Variants in GALNT13 observed in about 807,000 individuals in gnomAD.
GALNT13 encodes UDP-GalNAc:polypeptide N-acetylgalactosaminyltransferase 13.
GALNT13 carries 28 observed loss-of-function variants against 64.2 expected under a neutral mutation model. That is an observed-to-expected ratio of 0.44 (90% CI 0.32 to 0.60). The LOEUF is 0.60. Ranked by LOEUF, GALNT13 falls within the 20% of genes least tolerant of loss-of-function variation. The pLI, the probability that GALNT13 is intolerant of heterozygous loss-of-function variation, is 0.05. For missense variants in GALNT13, 577 were observed against 669.8 expected, an observed-to-expected ratio of 0.86 and a Z score of 1.53; for synonymous variants, 214 against 224.6, an observed-to-expected ratio of 0.95 and a Z score of 0.42.
the GALNT13 span, among the ~76,000 whole-genome samples, chr2:153,791,284 C>T: frequency 6.6e-6 from 1 of 152,042 alleles, no homozygotes; most frequent in East Asian, 1.9e-4. Context: ...GCTCAACATC[C>T]CTGATCATTA....
the GALNT13 span, among the ~76,000 whole-genome samples, chr2:153,722,987 C>G: frequency 6.6e-6 from 1 of 152,030 alleles, no homozygotes; most frequent in Non-Finnish European, 1.5e-5. Flanking sequence ...CAAAGCCGGG[C>G]AGAGACACAA....
intron 9 of GALNT13, among the ~76,000 whole-genome samples, chr2:154,317,315 C>A (rs1283152096): frequency 2.6e-5 from 4 of 151,498 alleles, no homozygotes; most frequent in Non-Finnish European, 5.9e-5. Context: ...AAAATAGATA[C>A]AATTTTAAAT....
chr2:153,872,553 C>G lies in GALNT13; in HGVS notation c.-177+250C>G, dbSNP rs1686025533. Among the ~76,000 whole-genome samples the G allele has an allele frequency of 2.7e-5, 4 of 147,998 alleles. No homozygotes were observed. The Admixed American group carries it at 2.7e-4, about 10-fold the overall frequency. ...GGTGTTGCGGGAGGACCGCGTGGCG[C>G]GGAACTTTCTGCCGCCGCCCACCTT... On this transcript the variant is annotated intron_variant, in intron 1 of 12. Transcript: ENST00000392825.
In GALNT13 at chr2:154,386,998, A is replaced by G. The variant is rs114909485; in HGVS notation, c.1157-8993A>G. ...TCTGTGCAGAAGCTATGATTTTGTAAAATTCATTATCTCATTTTTACTCCA... is the reference window on the plus strand; with the variant it reads ...TCTGTGCAGAAGCTATGATTTTGTAGAATTCATTATCTCATTTTTACTCCA... On this transcript the variant is annotated intron_variant, in intron 9 of 12. Coordinates refer to ENST00000392825, the MANE Select transcript of GALNT13 (RefSeq NM_052917.4). Among the ~76,000 whole-genome samples, 875 of 152,234 alleles carry G rather than the reference A, an allele frequency of 5.7e-3. 4 individuals are homozygous for G. The highest frequency in any genetic ancestry group is 9.7e-3 in the Non-Finnish European group (658 of 67,986).
chr2:153,072,893 C>G, the GALNT13 span, among the ~76,000 whole-genome samples: 30,276 of 152,132 alleles, frequency 0.2, 3,388 homozygotes, highest in Non-Finnish European at 0.26. Flanking sequence ...AATTACACAA[C>G]GGTTTGCACT....
At chr2:153,669,965 G>T in the GALNT13 span, among the ~76,000 whole-genome samples, 1 of 141,532 alleles carries the variant, frequency 7.1e-6, no homozygotes, top group Non-Finnish European at 1.6e-5. Context: ...ACTTGGGGAG[G>T]GGGGAGGGGC....
At chr2:154,345,212 C>T (rs115620334) in intron 9 of GALNT13, among the ~76,000 whole-genome samples, 2,172 of 152,134 alleles carry the variant, frequency 0.014, 25 homozygotes, top group African/African-American at 0.029. Flanking sequence ...CACTGCTATT[C>T]TTTCTTGACC....
chr2:153,906,125 C>T (rs905552416), intron 2 of GALNT13, among the ~76,000 whole-genome samples: 1 of 151,578 alleles, frequency 6.6e-6, no homozygotes, highest in Non-Finnish European at 1.5e-5. Flanking sequence ...CCATGGAAGG[C>T]AAAACCATAA....
At chr2:153,617,293 A>C in the GALNT13 span, among the ~76,000 whole-genome samples, 1 of 152,050 alleles carries the variant, frequency 6.6e-6, no homozygotes, top group Non-Finnish European at 1.5e-5. Flanking sequence ...AATTTTATCA[A>C]CTGCTTTTCA....
chr2:153,797,672 T>C, the GALNT13 span, among the ~76,000 whole-genome samples: 131,477 of 152,104 alleles, frequency 0.86, 57,756 homozygotes, highest in Non-Finnish European at 0.91. Flanking sequence ...CCTCCCCTTG[T>C]GATGAGAGGC....
chr2:153,954,244 G>T (rs955652439), intron 3 of GALNT13, among the ~76,000 whole-genome samples: 3 of 151,884 alleles, frequency 2.0e-5, no homozygotes, highest in Non-Finnish European at 2.9e-5. Context: ...ATAGGTAGAG[G>T]GTATGATTGA....
chr2:153,539,633 C>G, the GALNT13 span, among the ~76,000 whole-genome samples: 1 of 151,602 alleles, frequency 6.6e-6, no homozygotes, highest in Non-Finnish European at 1.5e-5. Context: ...TTCCCAGCAC[C>G]ATTTATTAAA....
intron 9 of GALNT13, among the ~76,000 whole-genome samples, chr2:154,388,986 C>T (rs1032738702): frequency 3.9e-5 from 6 of 152,104 alleles, no homozygotes; most frequent in African/African-American, 1.4e-4. Flanking sequence ...ATTTTAATTA[C>T]AATAGCTGTA....
chr2:153,172,665 G>C, the GALNT13 span, among the ~76,000 whole-genome samples: 2 of 152,110 alleles, frequency 1.3e-5, no homozygotes, highest in African/African-American at 4.8e-5. Context: ...ACAAAGAAAT[G>C]TTTTTCATTA....
At chr2:154,400,911 T>G (rs1699271972) in intron 10 of GALNT13, among the ~76,000 whole-genome samples, 1 of 150,058 alleles carries the variant, frequency 6.7e-6, no homozygotes, top group East Asian at 2.0e-4. Flanking sequence ...CCCAAATTTT[T>G]GGGTTATGAC....
intron 12 of GALNT13, among the ~76,000 whole-genome samples, chr2:154,443,481 T>C (rs143845746): frequency 1.3e-5 from 2 of 152,100 alleles, no homozygotes; most frequent in African/African-American, 4.8e-5. Flanking sequence ...ATTTTGTATA[T>C]GATTATATGT....
rs144882428 is a variant in GALNT13, at chr2:154,140,747, A to C, written c.311+242A>C. Among the ~76,000 whole-genome samples the C allele has an allele frequency of 3.9e-3, 590 of 152,200 alleles. 2 individuals carry two copies. The highest frequency in any genetic ancestry group is 0.014 in the African/African-American group (565 of 41,562). ...ATACTCAGGCCAAACAGGTTTTTCT[A>C]TGTGAGATGTTTTTTGTTGTTGTCA... On this transcript the variant is annotated intron_variant, in intron 4 of 12. Coordinates refer to ENST00000392825, the MANE Select transcript of GALNT13 (RefSeq NM_052917.4).
chr2:154,009,882 T>C (rs1696512385), intron 3 of GALNT13, among the ~76,000 whole-genome samples: 1 of 152,154 alleles, frequency 6.6e-6, no homozygotes, highest in Non-Finnish European at 1.5e-5. Context: ...ACCTCCCTGG[T>C]TAGCTGTATT....
chr2:153,308,037 T>C, the GALNT13 span, among the ~76,000 whole-genome samples: 5 of 152,278 alleles, frequency 3.3e-5, no homozygotes, highest in Non-Finnish European at 7.4e-5. Flanking sequence ...AGTTATTCAA[T>C]ATCCCACTTG....
Sources: allele counts gnomAD v4.1 joint callset (sites outside exome capture counted in the v4.1 genomes callset), GRCh38; gene constraint gnomAD v4.1.1; transcripts MANE v1.5; gene names NCBI Gene and HGNC (gene_info 2026-07-23, HGNC 2026-07-21).